Variants in PHF3 observed in about 807,000 individuals in gnomAD.
PHF3 encodes PHD finger protein 3.
In PHF3, 41 loss-of-function variants were observed where a neutral mutation model predicts 178.4. The ratio of observed to expected loss-of-function variants is 0.23; its 90% CI spans 0.18 to 0.30. The LOEUF is 0.30. Ranked by LOEUF, PHF3 falls within the 10% of genes least tolerant of loss-of-function variation. The pLI is 1.00. For missense variants in PHF3, 2,346 were observed against 2,398.1 expected (o/e 0.98, Z 0.45); for synonymous variants, 842 against 800.5 (o/e 1.05, Z -0.88).
At position 63,687,821 on chromosome 6, in the gene PHF3, A is replaced by G. The variant is rs1022628134; in HGVS notation, c.2189+1910A>G. 2.6e-5 allele frequency among the ~76,000 whole-genome samples: 4 copies of G among 152,130 alleles called. No homozygotes were observed. The East Asian group carries it at 7.7e-4, about 29-fold the overall frequency. ...TTACTTGCTGCCACCTTTTGGATCT[A>G]CTGTATAGAATCTAGAGTGTTTTTG... On this transcript the variant is annotated intron_variant, in intron 4 of 15. Transcript: ENST00000262043.
intron 2 of PHF3, among the ~76,000 whole-genome samples, chr6:63,652,851 A>T (rs906988548): frequency 8.6e-5 from 13 of 151,880 alleles, no homozygotes; most frequent in Admixed American, 2.6e-4. Context: ...AAATATGTGG[A>T]TTCATTTCTG....
intron 5 of PHF3, among the ~76,000 whole-genome samples, chr6:63,693,728 C>T (rs943410974): frequency 1.1e-4 from 16 of 152,164 alleles, no homozygotes; most frequent in African/African-American, 3.6e-4. Flanking sequence ...ATGTGTGCAC[C>T]ATACAAGTGA....
chr6:63,686,131 A>C, intron 4 of PHF3: 1 of 498,150 alleles, frequency 2.0e-6, no homozygotes, highest in Non-Finnish European at 3.5e-6. Context: ...TAGTCTGGCC[A>C]ACAGCTGACA....
intron 2 of PHF3, among the ~76,000 whole-genome samples, chr6:63,665,486 G>GTTTTTTTTTTTTTTTTTTTTT (rs11427203): frequency 1.8e-5 from 2 of 111,218 alleles, no homozygotes; most frequent in African/African-American, 3.5e-5. Flanking sequence ...GTTTTTTTTT[G>GTTTTTTTTTTTTTTTTTTTTT]TTTTTTTTTT....
intron 2 of PHF3, among the ~76,000 whole-genome samples, chr6:63,652,531 T>G (rs1251578011): frequency 6.6e-6 from 1 of 152,092 alleles, no homozygotes; most frequent in Non-Finnish European, 1.5e-5. Flanking sequence ...GTCCAGAGCT[T>G]TTTAGTTTGA....
intron 1 of PHF3, among the ~76,000 whole-genome samples, chr6:63,645,648 C>G (rs1247506817): frequency 6.6e-6 from 1 of 152,140 alleles, no homozygotes; most frequent in East Asian, 1.9e-4. Context: ...TTTCCACCCC[C>G]TAAAATATGT....
intron 2 of PHF3, among the ~76,000 whole-genome samples, chr6:63,653,019 G>GTT (rs371116514): frequency 0.047 from 5,908 of 126,864 alleles, 261 homozygotes; most frequent in African/African-American, 0.11. Context: ...ATGTTGGCTA[G>GTT]TTTTTTTTTT....
intron 1 of PHF3, among the ~76,000 whole-genome samples, chr6:63,638,522 T>G (rs888124597): frequency 1.3e-5 from 2 of 152,134 alleles, no homozygotes; most frequent in African/African-American, 4.8e-5. Flanking sequence ...ACTTTTCTGT[T>G]TTTTAGTGAG....
chr6:63,658,775 G>C (rs1765346816), intron 2 of PHF3, among the ~76,000 whole-genome samples: 1 of 151,158 alleles, frequency 6.6e-6, no homozygotes, highest in Non-Finnish European at 1.5e-5. Flanking sequence ...GAGAGAGAGA[G>C]GGAGAGATTG....
Position 63,717,832 on chromosome 6 carries a change from T to C in PHF3, c.*4124T>C, listed in dbSNP as rs1318662187. 6.6e-6 allele frequency among the ~76,000 whole-genome samples: 1 copy of C among 152,014 alleles called. No individual in the cohort carries two copies. The highest frequency in any genetic ancestry group is 1.5e-5 in the Non-Finnish European group (1 of 67,962). On this transcript the variant is annotated 3_prime_UTR_variant, in exon 16 of 16. Transcript: ENST00000262043. Reference sequence around the variant, plus strand: ...GATAATTTTGTCCTCAAAGTAATGATTTTTTTCAGGAACTTATTATTTATA... The same window carrying C: ...GATAATTTTGTCCTCAAAGTAATGACTTTTTTCAGGAACTTATTATTTATA...
intron 4 of PHF3, among the ~76,000 whole-genome samples, chr6:63,690,214 CT>C (rs2149590163): frequency 6.6e-6 from 1 of 152,172 alleles, no homozygotes; most frequent in South Asian, 2.1e-4. Flanking sequence ...AGTTTTCTTG[CT>C]TGTCAACCCC....
At chr6:63,690,709 G>A (rs1055135519) in intron 4 of PHF3, among the ~76,000 whole-genome samples, 2 of 152,064 alleles carry the variant, frequency 1.3e-5, no homozygotes, top group Non-Finnish European at 2.9e-5. Flanking sequence ...TAAATTGCTA[G>A]CCTGAAGATG....
chr6:63,686,211 C>G (rs1453203681), intron 4 of PHF3: 1 of 310,080 alleles, frequency 3.2e-6, no homozygotes, highest in African/African-American at 2.1e-5. Context: ...GCAAAAAAGC[C>G]AAACACTTCC....
At chr6:63,662,860 A>G (rs1011916822) in intron 2 of PHF3, among the ~76,000 whole-genome samples, 7 of 152,214 alleles carry the variant, frequency 4.6e-5, no homozygotes, top group Admixed American at 6.5e-5. Flanking sequence ...TGTCATTTCT[A>G]TTTTCCTGCT....
At chr6:63,671,314 G>A (rs1433543158) in intron 2 of PHF3, among the ~76,000 whole-genome samples, 1 of 152,198 alleles carries the variant, frequency 6.6e-6, no homozygotes, top group African/African-American at 2.4e-5. Flanking sequence ...GGATAGAGTG[G>A]TGTTTGAGAC....
intron 2 of PHF3, among the ~76,000 whole-genome samples, chr6:63,673,153 A>G (rs548831164): frequency 6.6e-6 from 1 of 152,080 alleles, no homozygotes; most frequent in East Asian, 1.9e-4. Context: ...GTATTACCAA[A>G]TGTGCAGGAT....
chr6:63,688,012 G>A (rs1031445643), intron 4 of PHF3, among the ~76,000 whole-genome samples: 6 of 151,526 alleles, frequency 4.0e-5, no homozygotes, highest in Admixed American at 6.6e-5. Flanking sequence ...GTGAAACCCC[G>A]TCTCTACTAA....
At position 63,713,215 on chromosome 6, in the gene PHF3, C is replaced by CA; in HGVS notation, c.5629dup (p.Arg1877LysfsTer12). ...ATGATGGGTCCTCTCTCACAAGCAT[C>CA]AAGGTATATAGGCCCGCAGAATTTT... On this transcript the variant is annotated frameshift_variant, in exon 16 of 16. Coordinates refer to ENST00000262043, the MANE Select transcript of PHF3 (RefSeq NM_001370348.2). LOFTEE classifies it high-confidence loss of function. 1 of 1,614,062 alleles carries CA rather than the reference C, an allele frequency of 6.2e-7. No individual in the cohort carries two copies.
intron 8 of PHF3, 78 bp downstream of exon 8, chr6:63,698,683 T>G: frequency 2.0e-6 from 2 of 986,078 alleles, no homozygotes; most frequent in Non-Finnish European, 2.9e-6. Context: ...ATACAGTAGA[T>G]CTATAATTTA....
Sources: allele counts gnomAD v4.1 joint callset (sites outside exome capture counted in the v4.1 genomes callset), GRCh38; gene constraint gnomAD v4.1.1; transcripts MANE v1.5; gene names NCBI Gene and HGNC (gene_info 2026-07-23, HGNC 2026-07-21).